The following PTGER3 variants were observed in gnomAD, a reference collection of about 807,000 sequenced individuals.
PTGER3 encodes prostaglandin E receptor 3, also known as prostaglandin E2 receptor EP3 subtype.
In PTGER3, 22 loss-of-function variants were observed where a neutral mutation model predicts 34.7. The ratio of observed to expected loss-of-function variants is 0.63; its 90% CI spans 0.45 to 0.91. PTGER3 has a LOEUF of 0.91. Among genes scored for constraint, PTGER3 ranks in the 40% least tolerant of loss-of-function variants. The pLI, the probability that PTGER3 is intolerant of heterozygous loss-of-function variation, is 0.00. For synonymous variants in PTGER3, 241 were observed against 230.1 expected (o/e 1.05, Z -0.43); for missense variants, 468 against 519.4 (o/e 0.90, Z 0.96).
At chr1:70,899,694 G>T (rs1023815443) in intron 4 of PTGER3, among the ~76,000 whole-genome samples, 5 of 152,004 alleles carry the variant, frequency 3.3e-5, no homozygotes, top group African/African-American at 9.7e-5. Context: ...TAGTAGTTGT[G>T]TGAAGGGTAA....
At chr1:70,922,160 A>T (rs923391598) in intron 4 of PTGER3, among the ~76,000 whole-genome samples, 19 of 152,162 alleles carry the variant, frequency 1.2e-4, no homozygotes, top group African/African-American at 4.6e-4. Flanking sequence ...GAGATATCAG[A>T]TTCTAGATAA....
At chr1:70,908,124 G>A (rs61777100) in intron 4 of PTGER3, among the ~76,000 whole-genome samples, 17,332 of 152,164 alleles carry the variant, frequency 0.11, 1,302 homozygotes, top group Middle Eastern at 0.26. Flanking sequence ...GCAATAGGCC[G>A]AAAGTGTTGG....
intron 2 of PTGER3, among the ~76,000 whole-genome samples, chr1:70,982,893 T>C (rs922571841): frequency 6.6e-6 from 1 of 152,146 alleles, no homozygotes; most frequent in Non-Finnish European, 1.5e-5. Context: ...CATTGCACAG[T>C]GTAAACATAT....
At chr1:70,996,639 T>TTATTTA (rs1553173495) in intron 2 of PTGER3, among the ~76,000 whole-genome samples, 1 of 122,752 alleles carries the variant, frequency 8.1e-6, no homozygotes, top group Non-Finnish European at 1.7e-5. Flanking sequence ...TTTTTTGTAT[T>TTATTTA]TTTATTTATT....
At chr1:70,877,441 G>C (rs1191204102) in intron 4 of PTGER3, among the ~76,000 whole-genome samples, 1 of 152,020 alleles carries the variant, frequency 6.6e-6, no homozygotes, top group Non-Finnish European at 1.5e-5. Context: ...TGGATGCCTT[G>C]TATTTCTTTA....
At chr1:70,857,591 A>G (rs933947270) in intron 4 of PTGER3, among the ~76,000 whole-genome samples, 2 of 152,078 alleles carry the variant, frequency 1.3e-5, no homozygotes, top group African/African-American at 4.8e-5. Context: ...GCTGGAGTGC[A>G]GTGGCATGAT....
chr1:71,046,901 C>T lies in PTGER3; in HGVS notation c.677G>A (p.Gly226Asp). ...AAAGGCAGAGGCGAAGAAAAGGTTG[C>T]CCCAGTTATGCGAAGAGCTAGTCCC... ...GNGTSSSHNW[G>D]NLFFASAFAF... The change falls in exon 1 of 4, where the codon GGC becomes GAC. Residue 226 changes from glycine (G) to aspartate (D), a missense_variant. This residue lies in a region of PTGER3 where 204 missense variants were observed against 230.8 expected (regional missense o/e 0.88). Coordinates refer to ENST00000306666, the MANE Select transcript of PTGER3 (RefSeq NM_198719.2). 2 of 1,612,398 alleles carry T rather than the reference C, an allele frequency of 1.2e-6. No homozygotes were observed. Among genetic ancestry groups the T allele is most frequent in the South Asian group, 2.2e-5 (2 of 90,754 alleles).
At chr1:70,993,471 T>C (rs1655652127) in intron 2 of PTGER3, among the ~76,000 whole-genome samples, 1 of 152,240 alleles carries the variant, frequency 6.6e-6, no homozygotes, top group Non-Finnish European at 1.5e-5. Flanking sequence ...GGCAGAAGTC[T>C]ACATTTTGTA....
chr1:71,011,747 A>C (rs1357752012), intron 2 of PTGER3: 27 of 982,754 alleles, frequency 2.7e-5, no homozygotes, highest in Non-Finnish European at 3.3e-5. Flanking sequence ...ACTGTAATTA[A>C]ACTTTTCTTT....
intron 4 of PTGER3, among the ~76,000 whole-genome samples, chr1:70,924,774 T>A (rs186097356): frequency 1.3e-5 from 2 of 152,260 alleles, no homozygotes; most frequent in Admixed American, 1.3e-4. Context: ...TAGCCATTCT[T>A]TTTTTCCTTT....
At chr1:71,017,001 C>A (rs1657966041) in intron 1 of PTGER3, among the ~76,000 whole-genome samples, 1 of 151,910 alleles carries the variant, frequency 6.6e-6, no homozygotes, top group African/African-American at 2.4e-5. Flanking sequence ...CTGAATGCTA[C>A]CCCCCATCAT....
At position 70,977,522 on chromosome 1, in the gene PTGER3, C is replaced by G. The variant is rs371281196; in HGVS notation, c.1078-3134G>C. Among the ~76,000 whole-genome samples, 211 of 152,180 alleles carry G rather than the reference C, an allele frequency of 1.4e-3. 2 individuals are homozygous for G. The highest frequency in any genetic ancestry group is 2.3e-3 in the South Asian group (11 of 4,820). On this transcript the variant is annotated intron_variant, in intron 2 of 3. Transcript: ENST00000306666. ...CTGCTTGATCCTGAATAACTGAGGA[C>G]TATGATGGTCTGTGCTGTCACCTTC...
At chr1:70,987,752 A>G (rs1655058728) in intron 2 of PTGER3, among the ~76,000 whole-genome samples, 1 of 152,184 alleles carries the variant, frequency 6.6e-6, no homozygotes, top group Non-Finnish European at 1.5e-5. Flanking sequence ...CTAGTGTGAC[A>G]CTGCCATAAG....
intron 4 of PTGER3, among the ~76,000 whole-genome samples, chr1:70,863,043 G>A (rs1341281043): frequency 6.6e-6 from 1 of 152,022 alleles, no homozygotes; most frequent in African/African-American, 2.4e-5. Flanking sequence ...TTGGTGGTAG[G>A]TTATTTAAAG....
At chr1:70,977,935 T>G (rs1037679636) in intron 2 of PTGER3, among the ~76,000 whole-genome samples, 1 of 152,120 alleles carries the variant, frequency 6.6e-6, no homozygotes, top group Non-Finnish European at 1.5e-5. Context: ...TGACCAGAAT[T>G]AGAAGGTCCT....
chr1:71,013,352 C>G (rs2100862499), intron 1 of PTGER3, among the ~76,000 whole-genome samples: 1 of 152,038 alleles, frequency 6.6e-6, no homozygotes, highest in Non-Finnish European at 1.5e-5. Context: ...ACACAAATGA[C>G]AGTATGTTAT....
intron 1 of PTGER3, among the ~76,000 whole-genome samples, chr1:71,019,407 T>C (rs940702601): frequency 1.3e-5 from 2 of 152,170 alleles, no homozygotes; most frequent in Non-Finnish European, 2.9e-5. Flanking sequence ...GCCCCTTCCC[T>C]GGGTTCCACG....
At chr1:70,884,099 C>T (rs929666957) in intron 4 of PTGER3, 2 of 393,416 alleles carry the variant, frequency 5.1e-6, no homozygotes, top group African/African-American at 4.3e-5. Flanking sequence ...AACAAACAAA[C>T]AAACAAAAAA....
At chr1:70,852,740 G>T (rs750618138) in exon 5 of PTGER3, 109 of 1,411,738 alleles carry the variant, frequency 7.7e-5, no homozygotes, top group Admixed American at 5.0e-4. Context: ...AAGTAAAAGA[G>T]AATAGTTTGG....
Sources: gnomAD v4.1 joint callset for allele counts (sites outside exome capture counted in the v4.1 genomes callset) on GRCh38, gnomAD v4.1.1 for gene constraint, gnomAD v4.1.1 regional missense constraint, MANE v1.5 for transcripts, NCBI Gene and HGNC (gene_info 2026-07-23, HGNC 2026-07-21) for gene names.